Variants in ATP8A2 observed in about 807,000 individuals in gnomAD.
The protein encoded by ATP8A2 is phospholipid-transporting ATPase IB.
ATP8A2 carries 100 observed loss-of-function variants against 165.6 expected under a neutral mutation model. That is an observed-to-expected ratio of 0.60 (90% CI 0.51 to 0.71). The LOEUF (loss-of-function observed/expected upper bound fraction) is 0.71. Ranked by LOEUF, ATP8A2 falls within the 30% of genes least tolerant of loss-of-function variation. The pLI is 0.00. For synonymous variants in ATP8A2, 543 were observed against 548.8 expected, an observed-to-expected ratio of 0.99 and a Z score of 0.15; for missense variants, 1,227 against 1,479.5, an observed-to-expected ratio of 0.83 and a Z score of 2.80.
At chr13:25,601,652 T>G (rs1295629140) in intron 24 of ATP8A2, among the ~76,000 whole-genome samples, 1 of 152,188 alleles carries the variant, frequency 6.6e-6, no homozygotes, top group Non-Finnish European at 1.5e-5. Context: ...ATTTTTGTTT[T>G]TAGTAGAGAC....
chr13:25,930,140 G>A (rs1011789048), intron 33 of ATP8A2, among the ~76,000 whole-genome samples: 11 of 152,102 alleles, frequency 7.2e-5, no homozygotes, highest in African/African-American at 2.7e-4. Flanking sequence ...CCTGCCTGCA[G>A]CATTTAATGC....
At chr13:25,464,857 G>A (rs977792930) in intron 1 of ATP8A2, among the ~76,000 whole-genome samples, 1 of 152,216 alleles carries the variant, frequency 6.6e-6, no homozygotes, top group Non-Finnish European at 1.5e-5. Context: ...TGCTAGGCAT[G>A]ATCCAGGGCA....
At position 25,395,230 on chromosome 13, in the gene ATP8A2, C is replaced by T. The variant is rs546064796; in HGVS notation, c.76+22942C>T. Among the ~76,000 whole-genome samples the T allele has an allele frequency of 9.2e-5, 14 of 152,190 alleles. No homozygotes were observed. In the South Asian group the frequency reaches 2.9e-3, roughly 32 times the overall value. On this transcript the variant is annotated intron_variant, in intron 1 of 36. Coordinates refer to ENST00000381655, the MANE Select transcript of ATP8A2 (RefSeq NM_016529.6). ...CCACTATTGGCATTCTTCTGGTCAT[C>T]CCTCAGTAGGCTGCTGGTCCATCTG...
At chr13:25,479,421 T>A (rs1053145887) in intron 2 of ATP8A2, among the ~76,000 whole-genome samples, 1 of 152,202 alleles carries the variant, frequency 6.6e-6, no homozygotes, top group East Asian at 1.9e-4. Flanking sequence ...TTCTGCTGCT[T>A]TTTATTTTCT....
intron 1 of ATP8A2, among the ~76,000 whole-genome samples, chr13:25,410,866 G>A (rs1259546092): frequency 6.6e-6 from 1 of 152,148 alleles, no homozygotes; most frequent in East Asian, 1.9e-4. Flanking sequence ...CTCCCTTCTA[G>A]GCCTGCAGCC....
At chr13:25,529,474 T>A (rs1007073142) in intron 2 of ATP8A2, among the ~76,000 whole-genome samples, 5 of 152,154 alleles carry the variant, frequency 3.3e-5, no homozygotes, top group African/African-American at 1.2e-4. Flanking sequence ...CCAGACTTAC[T>A]GAAAGATGTA....
At chr13:25,768,995 T>C (rs1266068103) in intron 25 of ATP8A2, 51 bp from the exon 26 acceptor site, 1 of 1,552,772 alleles carries the variant, frequency 6.4e-7, no homozygotes, top group South Asian at 1.1e-5. Context: ...ATTACAGCTG[T>C]TTCCTCTGGA....
chr13:25,984,851 G>A (rs1399292897), intron 35 of ATP8A2, among the ~76,000 whole-genome samples: 1 of 152,164 alleles, frequency 6.6e-6, no homozygotes, highest in Admixed American at 6.5e-5. Context: ...ACAAAGGAAT[G>A]TGTCACCAGG....
chr13:25,713,859 C>T (rs924902902), intron 25 of ATP8A2, among the ~76,000 whole-genome samples: 1 of 152,118 alleles, frequency 6.6e-6, no homozygotes, highest in Admixed American at 6.5e-5. Context: ...CCAGCACAAC[C>T]CCTGCCTCTG....
chr13:25,413,107 C>T lies in ATP8A2; in HGVS notation c.76+40819C>T, dbSNP rs747931909. 1.1e-4 allele frequency among the ~76,000 whole-genome samples: 17 copies of T among 151,994 alleles called. No homozygotes were observed. In the South Asian group the frequency reaches 1.5e-3, roughly 13 times the overall value. Reference sequence around the variant, plus strand: ...TGCTGGGATTACAGGCGTGAGCCACCGTGCTGGCCCTAAAGGGATCAGTTT... The same window carrying T: ...TGCTGGGATTACAGGCGTGAGCCACTGTGCTGGCCCTAAAGGGATCAGTTT... On this transcript the variant is annotated intron_variant, in intron 1 of 36. Transcript: ENST00000381655.
At chr13:25,398,529 G>T (rs756418186) in intron 1 of ATP8A2, among the ~76,000 whole-genome samples, 21 of 152,196 alleles carry the variant, frequency 1.4e-4, no homozygotes, top group Non-Finnish European at 2.6e-4. Flanking sequence ...CAATTACCCA[G>T]TTGTGATCAC....
chr13:25,493,448 A>G (rs895104265), intron 2 of ATP8A2, among the ~76,000 whole-genome samples: 11 of 152,036 alleles, frequency 7.2e-5, no homozygotes, highest in African/African-American at 2.7e-4. Context: ...TTGGTAGGGC[A>G]TTTTTTGTTT....
intron 24 of ATP8A2, among the ~76,000 whole-genome samples, chr13:25,621,217 C>A (rs2040959473): frequency 6.6e-6 from 1 of 152,114 alleles, no homozygotes; most frequent in Non-Finnish European, 1.5e-5. Context: ...TACTTAGTAA[C>A]TAGGAAAGAT....
At chr13:25,721,034 G>C (rs1343312111) in intron 25 of ATP8A2, among the ~76,000 whole-genome samples, 1 of 145,100 alleles carries the variant, frequency 6.9e-6, no homozygotes. Context: ...GATGCAATCT[G>C]TACCTCGAAC....
intron 24 of ATP8A2, among the ~76,000 whole-genome samples, chr13:25,686,333 C>T (rs2042600778): frequency 6.6e-6 from 1 of 152,158 alleles, no homozygotes; most frequent in Non-Finnish European, 1.5e-5. Flanking sequence ...CCAAGGAGAC[C>T]TCTGTCTCCA....
At chr13:25,447,274 A>G (rs1220689190) in intron 1 of ATP8A2, among the ~76,000 whole-genome samples, 1 of 152,068 alleles carries the variant, frequency 6.6e-6, no homozygotes, top group Non-Finnish European at 1.5e-5. Context: ...TCTTTTTTTA[A>G]TCGGTACATA....
chr13:25,407,436 G>T (rs1284617449), intron 1 of ATP8A2, among the ~76,000 whole-genome samples: 3 of 152,192 alleles, frequency 2.0e-5, no homozygotes, highest in Non-Finnish European at 2.9e-5. Flanking sequence ...ATGTATTTTG[G>T]AAAGTGCAAT....
chr13:25,413,104 C>T (rs781100527), intron 1 of ATP8A2, among the ~76,000 whole-genome samples: 2 of 151,996 alleles, frequency 1.3e-5, no homozygotes, highest in Non-Finnish European at 2.9e-5. Context: ...AGGCGTGAGC[C>T]ACCGTGCTGG....
intron 33 of ATP8A2, among the ~76,000 whole-genome samples, chr13:25,919,124 C>T (rs1299826506): frequency 6.6e-6 from 1 of 152,184 alleles, no homozygotes; most frequent in Non-Finnish European, 1.5e-5. Flanking sequence ...GTATATTTTT[C>T]CAGATATGAA....
Sources: gnomAD v4.1 joint callset for allele counts (sites outside exome capture counted in the v4.1 genomes callset) on GRCh38, gnomAD v4.1.1 for gene constraint, MANE v1.5 for transcripts, NCBI Gene and HGNC (gene_info 2026-07-23, HGNC 2026-07-21) for gene names.